PCK2: variants seen among roughly 807,000 people sequenced by gnomAD.
PCK2 encodes the protein phosphoenolpyruvate carboxykinase [GTP], mitochondrial.
A neutral mutation model predicts 65.9 loss-of-function variants in PCK2; 56 were observed. The observed-to-expected ratio is 0.85, with a 90% confidence interval of 0.69 to 1.06. PCK2 has a LOEUF of 1.06. Ranked by LOEUF, PCK2 falls within the 50% of genes least tolerant of loss-of-function variation. The pLI is 0.00. For missense variants in PCK2, 843 were observed against 863.1 expected (o/e 0.98, Z 0.29); for synonymous variants, 305 against 319.6 (o/e 0.95, Z 0.49).
chr14:24,095,081 CGTCCTGTTTGTCTGCCT>C (rs1275505202), intron 1 of PCK2: 14 of 456,146 alleles, frequency 3.1e-5, no homozygotes, highest in African/African-American at 1.6e-4. Flanking sequence ...CCCCCAGGCT[CGTCCTGTTTGTCTGCCT>C]GTCCTCTTAG....
chr14:24,103,555 G>A lies in PCK2; in HGVS notation c.1514G>A (p.Gly505Asp). The A allele has an allele frequency of 1.9e-6, 3 of 1,567,162 alleles. No individual in the cohort carries two copies. Among genetic ancestry groups the A allele is most frequent in the Non-Finnish European group, 1.7e-6 (2 of 1,156,396 alleles). The change falls in exon 10 of 10, where the codon GGC becomes GAC. Residue 505 changes from glycine to aspartate, a missense_variant. Gly to Asp is a moderately conservative substitution (Grantham distance 94). Transcript: ENST00000216780. The stretch of plus-strand genomic sequence containing the variant: ...CCATTTGCCATGCGGCCCTTTTTTG[G>A]CTACAACTTCGGGCACTACCTGGAA... ...HDPFAMRPFF[G>D]YNFGHYLEHW... is the part of the protein sequence containing the mutation.
Position 24,099,183 on chromosome 14 carries a change from C to T in PCK2, c.799C>T (p.Arg267Cys), listed in dbSNP as rs202246749. The T allele has an allele frequency of 1.1e-4, 182 of 1,607,418 alleles. No individual in the cohort carries two copies. The highest frequency in any genetic ancestry group is 1.7e-4 in the Middle Eastern group (1 of 6,058). Reference sequence around the variant, plus strand: ...GCTGGGCAAGAAGTGCTTTGCCCTACGCATCGCCTCTCGGCTGGCCCGGGA... The same window carrying T: ...GCTGGGCAAGAAGTGCTTTGCCCTATGCATCGCCTCTCGGCTGGCCCGGGA... The part of the protein sequence containing the change: ...SLLGKKCFAL[R>C]IASRLARDEG... Residue 267 changes from arginine to cysteine, a missense_variant, in exon 5 of 10, where the codon CGC becomes TGC. Arg to Cys is a radical substitution (Grantham distance 180, BLOSUM62 -3). Transcript: ENST00000216780.
chr14:24,100,952 T>C (rs1295277768), intron 7 of PCK2, among the ~76,000 whole-genome samples: 3 of 152,158 alleles, frequency 2.0e-5, no homozygotes, highest in African/African-American at 7.2e-5. Context: ...CATGGCCTTC[T>C]GCAGTCAGGC....
intron 7 of PCK2, chr14:24,100,425 C>A (rs1473368996): frequency 2.7e-6 from 3 of 1,114,058 alleles, no homozygotes; most frequent in Non-Finnish European, 3.7e-6. Flanking sequence ...TGCTCAACTT[C>A]CCTAAGCTTT....
intron 9 of PCK2, 35 bp downstream of exon 9, chr14:24,103,290 G>C (rs752067404): frequency 6.6e-7 from 1 of 1,526,224 alleles, no homozygotes; most frequent in African/African-American, 1.4e-5. Context: ...TCTCCTGTGT[G>C]TGCACACAGC....
chr14:24,094,447 C>G lies in PCK2; in HGVS notation c.29+13C>G. ...GCCCTGGCCTGCGGTGAGTGACCCC[C>G]GGCCCGGGGCCCACCCGCACCTTCC... On this transcript the variant is annotated intron_variant, in intron 1 of 9. Coordinates refer to ENST00000216780, the MANE Select transcript of PCK2 (RefSeq NM_004563.4). The surrounding 1 kb of genome is among the most constrained non-coding windows in gnomAD (Gnocchi z 4.1). The G allele has an allele frequency of 1.3e-6, 2 of 1,536,962 alleles. No individual in the cohort carries two copies. Among genetic ancestry groups the G allele is most frequent in the Non-Finnish European group, 1.7e-6 (2 of 1,148,048 alleles).
At position 24,104,125 on chromosome 14, in the gene PCK2, A is replaced by G. The variant is rs2037284798; in HGVS notation, c.*161A>G. 3 of 615,342 alleles carry G rather than the reference A, an allele frequency of 4.9e-6. No individual in the cohort carries two copies. Among genetic ancestry groups the G allele is most frequent in the African/African-American group, 3.7e-5 (2 of 54,034 alleles). The allele number at this position is 615,342 out of a possible 1,614,324, so 38.1% of individuals were successfully genotyped here. On this transcript the variant is annotated 3_prime_UTR_variant, in exon 10 of 10. Coordinates refer to ENST00000216780, the MANE Select transcript of PCK2 (RefSeq NM_004563.4). ...ATAATAAGAGATGCTTATCTATTTT[A>G]CACAAGATTTGTGCTGTTTTCATTT...
At chr14:24,096,228 CTTTTTTTTTT>C (rs34592767) in intron 1 of PCK2, among the ~76,000 whole-genome samples, 115 of 58,888 alleles carry the variant, frequency 2.0e-3, no homozygotes, top group African/African-American at 7.9e-3. Flanking sequence ...CTACTCATTT[CTTTTTTTTTT>C]TTTTTTTTTT....
chr14:24,097,159 C>T, intron 2 of PCK2, 22 bp downstream of exon 2: 1 of 1,610,576 alleles, frequency 6.2e-7, no homozygotes. Flanking sequence ...GCTCCACAAC[C>T]TGCAGGATAG....
Position 24,103,181 on chromosome 14 carries a change from C to A in PCK2, c.1394C>A (p.Ala465Asp). The A allele has an allele frequency of 6.2e-7, 1 of 1,613,836 alleles. No individual in the cohort carries two copies. Among genetic ancestry groups the A allele is most frequent in the Non-Finnish European group, 8.5e-7 (1 of 1,179,704 alleles). ...CTAGGGGTACCCCTGGTATACGAGG[C>A]CTTCAACTGGCGTCATGGGGTGTTT... is the stretch of plus-strand genomic sequence containing the variant. The part of the protein sequence containing the change: ...RPKGVPLVYE[A>D]FNWRHGVFVG... The change falls in exon 9 of 10, where the codon GCC (alanine) becomes GAC (aspartate). Residue 465 changes from alanine (A) to aspartate (D), a missense_variant. Ala to Asp is a moderately radical substitution (Grantham distance 126). Transcript: ENST00000216780.
Position 24,099,166 on chromosome 14 carries a change from A to C in PCK2, c.782A>C (p.Lys261Thr). ...SGYGGNSLLG[K>T]KCFALRIASR... ...TATGGTGGCAACTCCCTGCTGGGCA[A>C]GAAGTGCTTTGCCCTACGCATCGCC... Residue 261 changes from lysine (K) to threonine (T), a missense_variant, in exon 5 of 10, where the codon AAG (lysine) becomes ACG (threonine). By Grantham distance (78) the Lys-to-Thr change is moderately conservative. Coordinates refer to ENST00000216780, the MANE Select transcript of PCK2 (RefSeq NM_004563.4). 2 of 1,610,584 alleles carry C rather than the reference A, an allele frequency of 1.2e-6. No homozygotes were observed. Among genetic ancestry groups the C allele is most frequent in the Non-Finnish European group, 1.7e-6 (2 of 1,179,778 alleles).
At chr14:24,097,224 C>T in intron 2 of PCK2, 87 bp downstream of exon 2, 1 of 1,228,200 alleles carries the variant, frequency 8.1e-7, no homozygotes, top group Non-Finnish European at 1.2e-6. Context: ...ACTAGAACAT[C>T]CCAATGGAAT....
In PCK2 at chr14:24,100,117, G is replaced by A; in HGVS notation, c.1138G>A (p.Glu380Lys). ...QSNTIFTNVA[E>K]TSDGGVYWEG... is the part of the protein sequence containing the mutation. ...TAACACTATTTTTACCAATGTGGCTGAGACCAGTGATGGTGGCGTGTACTG... is the reference window on the plus strand; with the variant it reads ...TAACACTATTTTTACCAATGTGGCTAAGACCAGTGATGGTGGCGTGTACTG... Residue 380 changes from glutamate to lysine, a missense_variant, in exon 7 of 10, where the codon GAG (glutamate) becomes AAG (lysine). By Grantham distance (56) the Glu-to-Lys change is moderately conservative. Transcript: ENST00000216780. 2.5e-6 allele frequency: 4 copies of A among 1,613,272 alleles called. No individual in the cohort carries two copies. Among genetic ancestry groups the A allele is most frequent in the Non-Finnish European group, 3.4e-6 (4 of 1,179,512 alleles).
At chr14:24,099,331 G>C in intron 5 of PCK2, 95 bp downstream of exon 5, 1 of 1,271,276 alleles carries the variant, frequency 7.9e-7, no homozygotes, top group Non-Finnish European at 1.1e-6. Context: ...CCTGCCAGGT[G>C]CCAGGCTGGT....
In PCK2 at chr14:24,100,068, C is replaced by T; in HGVS notation, c.1089C>T (p.Pro363=). Residue 363 remains proline (P), a synonymous_variant, in exon 7 of 10, where the codon CCC becomes CCT. Transcript: ENST00000216780. ...VAPGTSATTN[P]NAMATIQSNT... is the part of the protein sequence containing the mutation. ...CTGGTACCTCTGCCACCACCAATCC[C>T]AACGCCATGGCTACAATCCAGAGTA... 6.2e-7 allele frequency: 1 copy of T among 1,613,064 alleles called. No homozygotes were observed. Among genetic ancestry groups the T allele is most frequent in the Non-Finnish European group, 8.5e-7 (1 of 1,179,488 alleles).
Position 24,094,610 on chromosome 14 carries a change from A to G in PCK2, c.29+176A>G. The G allele has an allele frequency of 6.8e-7, 1 of 1,462,452 alleles. No homozygotes were observed. The highest frequency in any genetic ancestry group is 1.4e-5 in the South Asian group (1 of 71,586). 90.6% of individuals were successfully genotyped at this position (1,462,452 alleles called of 1,614,324 possible). ...CGCGCCGCGCGTCTCTTGGGAGGGC[A>G]GCCGGCCGGTGCTCCTCGTTTCCGC... On this transcript the variant is annotated intron_variant, in intron 1 of 9. Transcript: ENST00000216780. This position sits in a 1 kb window ranked among gnomAD's most constrained non-coding sequence, Gnocchi z 4.1.
At chr14:24,098,715 CCTT>C (rs766080209) in intron 4 of PCK2, 37 bp downstream of exon 4, 1 of 1,553,592 alleles carries the variant, frequency 6.4e-7, no homozygotes, top group South Asian at 1.1e-5. Context: ...AACACAGAGG[CCTT>C]CTTGTACTCA....
chr14:24,096,892 G>A lies in PCK2; in HGVS notation c.30G>A (p.Arg10=), dbSNP rs2036909122. Residue 10 remains arginine, a splice_region_variant and synonymous_variant, in exon 2 of 10, where the codon CGG becomes CGA. Transcript: ENST00000216780. MAALYRPGL[R]LNWHGLSPLG... ...CTCATTGCCTCTGTTTCTCCTATAG[G>A]CTTAACTGGCATGGGCTGAGCCCCT... 1 of 1,612,154 alleles carries A rather than the reference G, an allele frequency of 6.2e-7. No individual in the cohort carries two copies. Among genetic ancestry groups the A allele is most frequent in the Non-Finnish European group, 8.5e-7 (1 of 1,179,428 alleles).
rs1566571081 is a variant in PCK2, at chr14:24,094,745, A to T, written c.29+311A>T. The T allele has an allele frequency of 4.8e-6, 7 of 1,471,966 alleles. No individual in the cohort carries two copies. Among genetic ancestry groups the T allele is most frequent in the Middle Eastern group, 1.7e-4 (1 of 5,734 alleles). The allele number at this position is 1,471,966 out of a possible 1,614,324, so 91.2% of individuals were successfully genotyped here. The stretch of plus-strand genomic sequence containing the variant: ...CCTCTCTGCTGAGCCAGGTCTCCGC[A>T]TATCCTCCTTTCCTTCCCAGATACC... On this transcript the variant is annotated intron_variant, in intron 1 of 9. Transcript: ENST00000216780. The surrounding 1 kb of genome is among the most constrained non-coding windows in gnomAD (Gnocchi z 4.1).
Sources: gnomAD v4.1 joint callset for allele counts (sites outside exome capture counted in the v4.1 genomes callset) on GRCh38, gnomAD v4.1.1 for gene constraint, Gnocchi (gnomAD v3.1) non-coding constraint, MANE v1.5 for transcripts, NCBI Gene and HGNC (gene_info 2026-07-23, HGNC 2026-07-21) for gene names.